Variants in RASA1 observed in about 807,000 individuals in gnomAD.
The protein encoded by RASA1 is ras GTPase-activating protein 1.
RASA1 carries 25 observed loss-of-function variants against 132.2 expected under a neutral mutation model. The observed-to-expected ratio is 0.19, with a 90% CI of 0.14 to 0.26. The LOEUF (loss-of-function observed/expected upper bound fraction) is 0.26, where lower values mean the gene tolerates loss of function less well. Ranked by LOEUF, RASA1 falls within the 10% of genes least tolerant of loss-of-function variation. RASA1 has a pLI of 1.00. For synonymous variants in RASA1, 477 were observed against 449.9 expected (o/e 1.06, Z -0.76); for missense variants, 964 against 1,299.2 (o/e 0.74, Z 3.97).
At chr5:87,363,581 G>A in intron 11 of RASA1, 77 bp downstream of exon 11, 2 of 1,495,228 alleles carry the variant, frequency 1.3e-6, no homozygotes, top group South Asian at 2.3e-5. Flanking sequence ...AACCAATTTT[G>A]AGAGCCCTAA....
chr5:87,382,731 G>A (rs1761805785), intron 20 of RASA1, among the ~76,000 whole-genome samples: 1 of 151,968 alleles, frequency 6.6e-6, no homozygotes, highest in East Asian at 1.9e-4. Flanking sequence ...TTTTGCTTTT[G>A]CTATTGTTTT....
rs1169035673 is a variant in RASA1 at position 87,287,573 on chromosome 5, C to G, written c.539+18583C>G. Among the ~76,000 whole-genome samples, 10 of 148,466 alleles carry G rather than the reference C, an allele frequency of 6.7e-5. No homozygotes were observed. The Admixed American group carries it at 6.7e-4, about 10-fold the overall frequency. ...ACCATATATATACACCATACATATA[C>G]ACACCATATATATACACCATACATA... On this transcript the variant is annotated intron_variant, in intron 1 of 24. Coordinates refer to ENST00000274376, the MANE Select transcript of RASA1 (RefSeq NM_002890.3).
chr5:87,383,168 G>A (rs1451686585), intron 20 of RASA1, among the ~76,000 whole-genome samples: 1 of 152,044 alleles, frequency 6.6e-6, no homozygotes, highest in East Asian at 1.9e-4. Context: ...TGATCAATAA[G>A]TCACTTTTTC....
chr5:87,353,314 T>A, intron 9 of RASA1, 79 bp downstream of exon 9: 1 of 1,131,692 alleles, frequency 8.8e-7, no homozygotes, highest in South Asian at 1.3e-5. Context: ...TGCACACATT[T>A]GTACAATTCA....
intron 4 of RASA1, among the ~76,000 whole-genome samples, chr5:87,335,962 G>GT (rs781094862): frequency 3.8e-4 from 58 of 152,148 alleles, no homozygotes; most frequent in Non-Finnish European, 7.4e-4. Flanking sequence ...CACTCGTTGA[G>GT]TTTTTGGTGT....
intron 1 of RASA1, among the ~76,000 whole-genome samples, chr5:87,325,392 A>C (rs775462854): frequency 9.2e-5 from 14 of 152,258 alleles, no homozygotes; most frequent in Non-Finnish European, 1.6e-4. Context: ...TTACAAATAA[A>C]TATGGGAGCT....
At chr5:87,306,832 C>G (rs1755635256) in intron 1 of RASA1, among the ~76,000 whole-genome samples, 1 of 152,042 alleles carries the variant, frequency 6.6e-6, no homozygotes, top group Non-Finnish European at 1.5e-5. Flanking sequence ...CTTTCTCGTA[C>G]TGTACATGTA....
At chr5:87,293,515 G>A (rs752402952) in intron 1 of RASA1, among the ~76,000 whole-genome samples, 4 of 152,102 alleles carry the variant, frequency 2.6e-5, no homozygotes, top group Non-Finnish European at 2.9e-5. Context: ...TCGCATCTAT[G>A]TTCATAAGAG....
intron 23 of RASA1, among the ~76,000 whole-genome samples, chr5:87,388,550 A>T (rs1762230419): frequency 6.6e-6 from 1 of 152,200 alleles, no homozygotes. Context: ...CCAAAATCCG[A>T]AACACTTCTG....
intron 11 of RASA1, among the ~76,000 whole-genome samples, chr5:87,367,022 C>T (rs531675795): frequency 7.4e-4 from 113 of 152,154 alleles, no homozygotes; most frequent in Non-Finnish European, 1.2e-3. Flanking sequence ...CAGAGTGAGG[C>T]CCGGTCTCAA....
intron 1 of RASA1, chr5:87,269,395 T>C: frequency 7.6e-7 from 1 of 1,321,742 alleles, no homozygotes; most frequent in East Asian, 2.5e-5. Context: ...AAGCTTTGAA[T>C]ACAGGTGTTT....
chr5:87,269,771 A>G (rs76611658), intron 1 of RASA1, among the ~76,000 whole-genome samples: 5,383 of 152,266 alleles, frequency 0.035, 178 homozygotes, highest in African/African-American at 0.077. Flanking sequence ...ACAGTCTGTA[A>G]AATATACAGG....
At chr5:87,378,608 A>G (rs1264526592) in intron 18 of RASA1, 70 bp downstream of exon 18, 2 of 1,434,538 alleles carry the variant, frequency 1.4e-6, no homozygotes, top group Non-Finnish European at 1.9e-6. Context: ...TTTGTAGCCA[A>G]TTACATTTTA....
At chr5:87,291,398 C>T (rs1265752459) in intron 1 of RASA1, among the ~76,000 whole-genome samples, 1 of 152,062 alleles carries the variant, frequency 6.6e-6, no homozygotes, top group Non-Finnish European at 1.5e-5. Flanking sequence ...AGATGGTGGT[C>T]AGCACACCTG....
intron 1 of RASA1, among the ~76,000 whole-genome samples, chr5:87,273,533 A>G (rs1374140137): frequency 6.6e-6 from 1 of 151,966 alleles, no homozygotes; most frequent in East Asian, 1.9e-4. Context: ...TTGTTTGTGT[A>G]GTGCACCATC....
intron 1 of RASA1, among the ~76,000 whole-genome samples, chr5:87,276,779 A>G (rs2112237895): frequency 6.6e-6 from 1 of 152,310 alleles, no homozygotes; most frequent in East Asian, 1.9e-4. Flanking sequence ...CTTTTGTAAC[A>G]TTTGTGTTTC....
chr5:87,277,157 G>A (rs1172000760), intron 1 of RASA1, among the ~76,000 whole-genome samples: 1 of 152,144 alleles, frequency 6.6e-6, no homozygotes, highest in East Asian at 1.9e-4. Context: ...AGGAAACTGA[G>A]TGATAGAGCT....
At chr5:87,281,940 A>G (rs1368347743) in intron 1 of RASA1, among the ~76,000 whole-genome samples, 1 of 152,046 alleles carries the variant, frequency 6.6e-6, no homozygotes, top group Non-Finnish European at 1.5e-5. Flanking sequence ...TATGTTCTTG[A>G]TATTAATCCC....
At chr5:87,331,209 A>C (rs1757571595) in intron 1 of RASA1, 139 bp from the exon 2 acceptor site, 1 of 1,042,336 alleles carries the variant, frequency 9.6e-7, no homozygotes, top group Admixed American at 1.7e-5. Context: ...TTAAAATTGG[A>C]ATAACTGGTT....
Sources: allele counts gnomAD v4.1 joint callset (sites outside exome capture counted in the v4.1 genomes callset), GRCh38; gene constraint gnomAD v4.1.1; transcripts MANE v1.5; gene names NCBI Gene and HGNC (gene_info 2026-07-23, HGNC 2026-07-21).